The following ROBO1 variants were observed in gnomAD, a reference collection of about 807,000 sequenced individuals.
ROBO1 encodes roundabout homolog 1.
ROBO1 carries 149 observed loss-of-function variants against 195.9 expected under a neutral mutation model. The observed-to-expected ratio is 0.76, with a 90% confidence interval of 0.67 to 0.87. The LOEUF (loss-of-function observed/expected upper bound fraction) is 0.87. Ranked by LOEUF, ROBO1 falls within the 40% of genes least tolerant of loss-of-function variation. The probability of loss-of-function intolerance (pLI) is 0.00; values close to 1 mark genes in which losing one functional copy is unlikely to be tolerated. For synonymous variants in ROBO1, 816 were observed against 733.2 expected (o/e 1.11, Z -1.82); for missense variants, 1,933 against 2,068.3 (o/e 0.93, Z 1.27).
Position 79,019,528 on chromosome 3 carries a change from C to T in ROBO1, c.173-80601G>A, listed in dbSNP as rs79507222. On this transcript the variant is annotated intron_variant, in intron 3 of 30. Transcript: ENST00000464233. ...CCCTCTCCTCCCCGGCCCGATAATA[C>T]TTAAAGGGGCCGCGTGGTCCTTTCC... The T allele has an allele frequency of 1.1e-4, 112 of 986,086 alleles. 2 individuals are homozygous for T. In the East Asian group the frequency reaches 0.011, roughly 96 times the overall value. The allele number at this position is 986,086 out of a possible 1,614,324, so 61.1% of individuals were successfully genotyped here. A position where few individuals can be genotyped will look rare whatever the true frequency, so the allele number is the denominator to read the frequency against.
chr3:78,672,736 A>C (rs961006280), intron 10 of ROBO1, among the ~76,000 whole-genome samples: 1 of 152,208 alleles, frequency 6.6e-6, no homozygotes, highest in Non-Finnish European at 1.5e-5. Context: ...ACACCAAAGA[A>C]TGTACTGCAT....
At position 79,505,107 on chromosome 3, in the gene ROBO1, T is replaced by G. The variant is rs531905691; in HGVS notation, c.88+84717A>C. On this transcript the variant is annotated intron_variant, in intron 2 of 30. Coordinates refer to ENST00000464233, the MANE Select transcript of ROBO1 (RefSeq NM_002941.4). The stretch of plus-strand genomic sequence containing the variant: ...TATTAAAATGAATTCCTGTATAATT[T>G]ATCATGGAGGTGAAACTGGTGTGAA... Among the ~76,000 whole-genome samples, 562 of 152,296 alleles carry G rather than the reference T, an allele frequency of 3.7e-3. 3 individuals are homozygous for G. The highest frequency in any genetic ancestry group is 6.0e-3 in the Non-Finnish European group (410 of 68,024).
intron 2 of ROBO1, among the ~76,000 whole-genome samples, chr3:79,366,611 C>T (rs1323874485): frequency 3.3e-5 from 5 of 152,124 alleles, no homozygotes; most frequent in Non-Finnish European, 7.4e-5. Context: ...GGACGCAACT[C>T]CAAATAGAAT....
At chr3:79,146,038 C>CAA (rs33941210) in intron 2 of ROBO1, among the ~76,000 whole-genome samples, 103,509 of 147,730 alleles carry the variant, frequency 0.7, 36,139 homozygotes, top group East Asian at 0.79. Context: ...ATAAAGAAAG[C>CAA]AAAAAAAAAA....
At chr3:79,565,699 G>A (rs1395062929) in intron 2 of ROBO1, among the ~76,000 whole-genome samples, 1 of 151,856 alleles carries the variant, frequency 6.6e-6, no homozygotes, top group Non-Finnish European at 1.5e-5. Flanking sequence ...CCAATTGTAG[G>A]GTCCTAGTGA....
chr3:78,729,485 A>G (rs895342090), intron 5 of ROBO1, among the ~76,000 whole-genome samples: 6 of 152,206 alleles, frequency 3.9e-5, no homozygotes, highest in Non-Finnish European at 4.4e-5. Context: ...AGCCTTGGGT[A>G]TGGCATTTTT....
At chr3:78,891,436 A>C (rs1031488895) in intron 4 of ROBO1, among the ~76,000 whole-genome samples, 2 of 152,172 alleles carry the variant, frequency 1.3e-5, no homozygotes, top group African/African-American at 4.8e-5. Flanking sequence ...CAACTGCCTA[A>C]AGTAAAAAAG....
rs2081927085 is a variant in ROBO1, at chr3:78,717,340, C to A, written c.852G>T (p.Glu284Asp). The change falls in exon 7 of 31, where the codon GAG (glutamate) becomes GAT (aspartate). Residue 284 changes from glutamate to aspartate, a missense_variant. Coordinates refer to ENST00000464233, the MANE Select transcript of ROBO1 (RefSeq NM_002941.4). ...TVDDSAEFKC[E>D]ARGDPVPTVR... ...CTGTAGGTACAGGGTCACCTCGGGC[C>A]TCACATTTAAATTCTGCACTGTCAT... The A allele has an allele frequency of 6.2e-6, 10 of 1,612,766 alleles. No homozygotes were observed. Among genetic ancestry groups the A allele is most frequent in the Middle Eastern group, 1.7e-4 (1 of 6,048 alleles).
At chr3:79,091,616 G>A (rs2079481123) in intron 3 of ROBO1, among the ~76,000 whole-genome samples, 2 of 152,098 alleles carry the variant, frequency 1.3e-5, no homozygotes, top group African/African-American at 4.8e-5. Context: ...AAAATAGTAT[G>A]CTATACAGTG....
At chr3:79,570,417 A>G (rs1470506504) in intron 2 of ROBO1, among the ~76,000 whole-genome samples, 1 of 152,186 alleles carries the variant, frequency 6.6e-6, no homozygotes, top group Non-Finnish European at 1.5e-5. Flanking sequence ...GCACTCTCAC[A>G]TCCTCAAATA....
At chr3:79,524,885 T>C (rs1339524539) in intron 2 of ROBO1, among the ~76,000 whole-genome samples, 2 of 152,044 alleles carry the variant, frequency 1.3e-5, no homozygotes, top group Admixed American at 6.6e-5. Context: ...AGAAATAAAA[T>C]AGTTGAAAAT....
chr3:78,950,593 C>G (rs1454087365), intron 3 of ROBO1, among the ~76,000 whole-genome samples: 1 of 151,092 alleles, frequency 6.6e-6, no homozygotes, highest in Non-Finnish European at 1.5e-5. Flanking sequence ...AGCACACCAA[C>G]ATGGCACATG....
intron 4 of ROBO1, 148 bp downstream of exon 4, chr3:78,938,453 G>A (rs72906141): frequency 0.029 from 17,996 of 628,246 alleles, 727 homozygotes; most frequent in African/African-American, 0.15. Flanking sequence ...ACAGAAAACC[G>A]AAATAGTAGA....
intron 4 of ROBO1, among the ~76,000 whole-genome samples, chr3:78,819,445 C>CA (rs5850394): frequency 0.53 from 65,421 of 123,252 alleles, 17,110 homozygotes; most frequent in East Asian, 0.73. Flanking sequence ...CCATATTCTA[C>CA]AAAAAAAAAA....
At chr3:79,417,092 C>G (rs1320257563) in intron 2 of ROBO1, among the ~76,000 whole-genome samples, 25 of 152,164 alleles carry the variant, frequency 1.6e-4, no homozygotes. Flanking sequence ...TATGTTGGTA[C>G]TCCCTCCTTC....
intron 1 of ROBO1, among the ~76,000 whole-genome samples, chr3:79,612,452 C>G (rs1222436084): frequency 6.6e-6 from 1 of 151,662 alleles, no homozygotes; most frequent in Non-Finnish European, 1.5e-5. Context: ...GGGTTGGTTC[C>G]AAGTCTTTGC....
intron 4 of ROBO1, among the ~76,000 whole-genome samples, chr3:78,860,926 C>A (rs1193777725): frequency 1.3e-5 from 2 of 152,156 alleles, no homozygotes; most frequent in African/African-American, 4.8e-5. Context: ...CACTAAATTT[C>A]TTCTACCTCA....
intron 1 of ROBO1, among the ~76,000 whole-genome samples, chr3:79,651,093 T>A (rs970150386): frequency 7.2e-5 from 11 of 152,180 alleles, no homozygotes; most frequent in Admixed American, 2.0e-4. Context: ...ATAACATGCA[T>A]GTTATTAAAT....
intron 2 of ROBO1, among the ~76,000 whole-genome samples, chr3:79,436,324 C>A (rs1221624361): frequency 6.6e-6 from 1 of 150,802 alleles, no homozygotes; most frequent in South Asian, 2.1e-4. Flanking sequence ...TTTTAGCCGG[C>A]CAATCTGTAC....
Sources: allele counts gnomAD v4.1 joint callset (sites outside exome capture counted in the v4.1 genomes callset), GRCh38; gene constraint gnomAD v4.1.1; transcripts MANE v1.5; gene names NCBI Gene and HGNC (gene_info 2026-07-23, HGNC 2026-07-21).